The following WASHC3 variants were observed in gnomAD, a reference collection of about 807,000 sequenced individuals.
WASHC3 encodes the protein WASH complex subunit CCDC53.
WASHC3 carries 24 observed loss-of-function variants against 26.1 expected under a neutral mutation model. That is an observed-to-expected ratio of 0.92 (90% CI 0.66 to 1.29). WASHC3 has a LOEUF of 1.29. Among genes scored for constraint, WASHC3 ranks in the 50% most tolerant of loss-of-function variants. WASHC3 has a pLI of 0.00. For missense variants in WASHC3, 214 were observed against 229.6 expected, an observed-to-expected ratio of 0.93 and a Z score of 0.44; for synonymous variants, 77 against 75.7, an observed-to-expected ratio of 1.02 and a Z score of -0.09.
At chr12:102,053,774 GA>G (rs959477478) in intron 2 of WASHC3, among the ~76,000 whole-genome samples, 7 of 149,040 alleles carry the variant, frequency 4.7e-5, no homozygotes, top group African/African-American at 1.0e-4. Context: ...TTTTAGAGCT[GA>G]AAAAAAAATG....
At chr12:102,048,003 T>A (rs2136678682) in intron 2 of WASHC3, among the ~76,000 whole-genome samples, 1 of 152,284 alleles carries the variant, frequency 6.6e-6, no homozygotes, top group East Asian at 1.9e-4. Flanking sequence ...CTTCACGAGA[T>A]TTTTTTGAGA....
At chr12:102,035,073 C>T (rs1318478152) in intron 5 of WASHC3, among the ~76,000 whole-genome samples, 7 of 152,018 alleles carry the variant, frequency 4.6e-5, no homozygotes, top group South Asian at 2.1e-4. Flanking sequence ...TACTTTTTAG[C>T]TACCTAGCCG....
chr12:102,018,536 G>A (rs140903635), intron 6 of WASHC3, among the ~76,000 whole-genome samples: 9 of 151,286 alleles, frequency 5.9e-5, no homozygotes, highest in African/African-American at 1.2e-4. Flanking sequence ...GCAGTGGCAC[G>A]GTCAGAGCTC....
intron 2 of WASHC3, chr12:102,050,619 G>A (rs917716905): frequency 1.1e-5 from 5 of 452,456 alleles, no homozygotes; most frequent in South Asian, 3.1e-5. Flanking sequence ...CTCCAGCCTC[G>A]GTGATACAGC....
At chr12:102,051,123 T>C (rs138407149) in intron 2 of WASHC3, among the ~76,000 whole-genome samples, 478 of 152,350 alleles carry the variant, frequency 3.1e-3, no homozygotes, top group African/African-American at 0.011. Context: ...GAAAGAACCC[T>C]AGCAATTTGT....
intron 2 of WASHC3, among the ~76,000 whole-genome samples, chr12:102,048,887 G>A (rs1173510936): frequency 6.6e-6 from 1 of 152,126 alleles, no homozygotes; most frequent in African/African-American, 2.4e-5. Flanking sequence ...GATTAAGAAA[G>A]AACTACTTTT....
chr12:102,046,075 A>AG lies in WASHC3; in HGVS notation c.194dup (p.Leu66SerfsTer16). 1 of 1,595,904 alleles carries AG rather than the reference A, an allele frequency of 6.3e-7. No individual in the cohort carries two copies. The highest frequency in any genetic ancestry group is 8.6e-7 in the Non-Finnish European group (1 of 1,168,040). On this transcript the variant is annotated frameshift_variant, in exon 3 of 7. Coordinates refer to ENST00000240079, the MANE Select transcript of WASHC3 (RefSeq NM_016053.4). LOFTEE classifies it high-confidence loss of function. ...CAACCTTTGCATCTAAAATATTGAGAGTTGTTTCAATTTGTTGGATACGAA... is the reference window on the plus strand; with the variant it reads ...CAACCTTTGCATCTAAAATATTGAGAGGTTGTTTCAATTTGTTGGATACGAA...
chr12:102,034,781 A>AGTGTGTGTGTGTGTGTGTGT (rs60815635), intron 5 of WASHC3, among the ~76,000 whole-genome samples: 1 of 146,064 alleles, frequency 6.8e-6, no homozygotes, highest in African/African-American at 2.5e-5. Context: ...CCTAAAAAAA[A>AGTGTGTGTGTGTGTGTGTGT]GTGTGTGTGT....
intron 2 of WASHC3, among the ~76,000 whole-genome samples, chr12:102,046,520 C>T (rs1363116558): frequency 6.6e-6 from 1 of 152,184 alleles, no homozygotes; most frequent in East Asian, 1.9e-4. Flanking sequence ...GTCTTGATCT[C>T]TTGACCTCGT....
intron 2 of WASHC3, among the ~76,000 whole-genome samples, chr12:102,050,013 C>T (rs575662570): frequency 1.3e-5 from 2 of 152,018 alleles, no homozygotes; most frequent in South Asian, 4.2e-4. Flanking sequence ...ATTTAAAAAT[C>T]CAGTATCTTA....
intron 6 of WASHC3, chr12:102,017,705 A>G (rs866557153): frequency 5.4e-6 from 2 of 368,418 alleles, no homozygotes; most frequent in Non-Finnish European, 1.0e-5. Flanking sequence ...CAGCTGTACC[A>G]TTTTACATTT....
At chr12:102,027,683 C>T (rs1213740297) in intron 5 of WASHC3, among the ~76,000 whole-genome samples, 1 of 152,116 alleles carries the variant, frequency 6.6e-6, no homozygotes, top group African/African-American at 2.4e-5. Context: ...AAAATACCCA[C>T]ATCCCCTTTC....
At chr12:102,024,426 T>C (rs1033750003) in intron 6 of WASHC3, among the ~76,000 whole-genome samples, 1 of 152,130 alleles carries the variant, frequency 6.6e-6, no homozygotes, top group Non-Finnish European at 1.5e-5. Flanking sequence ...TGGAGGCATA[T>C]GGTGAGATGT....
At chr12:102,039,009 A>T (rs958477293) in intron 5 of WASHC3, among the ~76,000 whole-genome samples, 1 of 151,944 alleles carries the variant, frequency 6.6e-6, no homozygotes, top group East Asian at 1.9e-4. Context: ...GCTGAAGTAC[A>T]GTGGCACAAT....
At chr12:102,049,215 T>C (rs371529059) in intron 2 of WASHC3, among the ~76,000 whole-genome samples, 27 of 152,352 alleles carry the variant, frequency 1.8e-4, no homozygotes, top group African/African-American at 5.1e-4. Context: ...CACTAAATGC[T>C]AGTAGCACTC....
chr12:102,031,581 A>T lies in WASHC3; in HGVS notation c.436-5543T>A, dbSNP rs1048969897. Among the ~76,000 whole-genome samples the T allele has an allele frequency of 2.6e-5, 4 of 152,298 alleles. No homozygotes were observed. The South Asian group carries it at 8.3e-4, about 32-fold the overall frequency. On this transcript the variant is annotated intron_variant, in intron 5 of 6. Transcript: ENST00000240079. ...ATTAAACAGATAAATGTTCATTTGT[A>T]TCTTTTCTTTATATTCATAAGTGTG...
intron 2 of WASHC3, among the ~76,000 whole-genome samples, chr12:102,054,634 A>C (rs1426136818): frequency 6.6e-6 from 1 of 152,206 alleles, no homozygotes; most frequent in African/African-American, 2.4e-5. Context: ...AGGGCACACA[A>C]AACATTCTCC....
At chr12:102,014,315 C>T (rs1876608439) in intron 6 of WASHC3, among the ~76,000 whole-genome samples, 1 of 148,006 alleles carries the variant, frequency 6.8e-6, no homozygotes, top group Non-Finnish European at 1.5e-5. Context: ...CTGTGATCCA[C>T]CCGCTCTGGC....
upstream of WASHC3, chr12:102,062,053 C>T (rs1425603281): frequency 8.7e-7 from 1 of 1,155,102 alleles, no homozygotes. Flanking sequence ...AACTTTCCCC[C>T]CAAGTGCCCG....
Sources: gnomAD v4.1 joint callset for allele counts (sites outside exome capture counted in the v4.1 genomes callset) on GRCh38, gnomAD v4.1.1 for gene constraint, MANE v1.5 for transcripts, NCBI Gene and HGNC (gene_info 2026-07-23, HGNC 2026-07-21) for gene names.